GALNT14: variants seen among roughly 807,000 people sequenced by gnomAD.
The protein encoded by GALNT14 is UDP-GalNAc:polypeptide N-acetylgalactosaminyltransferase 14.
In GALNT14, 60 loss-of-function variants were observed where a neutral mutation model predicts 77.5. The observed-to-expected ratio is 0.77, with a 90% CI of 0.63 to 0.96. The LOEUF is 0.96. GALNT14 is among the 40% of genes least tolerant of loss of function. The probability of loss-of-function intolerance (pLI) is 0.00; values close to 1 mark genes in which losing one functional copy is unlikely to be tolerated. For synonymous variants in GALNT14, 280 were observed against 281.7 expected, an observed-to-expected ratio of 0.99 and a Z score of 0.06; for missense variants, 710 against 731.0, an observed-to-expected ratio of 0.97 and a Z score of 0.33.
chr2:30,979,744 C>T (rs1314368934), intron 2 of GALNT14, among the ~76,000 whole-genome samples: 1 of 152,146 alleles, frequency 6.6e-6, no homozygotes, highest in Non-Finnish European at 1.5e-5. Flanking sequence ...TCCCATTGTG[C>T]CTGCTTACTT....
At chr2:30,890,916 G>T in the GALNT14 span, among the ~76,000 whole-genome samples, 1 of 152,184 alleles carries the variant, frequency 6.6e-6, no homozygotes, top group African/African-American at 2.4e-5. Flanking sequence ...CAGGACATGA[G>T]GCCTGGCAAG....
At chr2:31,109,006 G>C (rs1311328938) in intron 1 of GALNT14, among the ~76,000 whole-genome samples, 2 of 152,194 alleles carry the variant, frequency 1.3e-5, no homozygotes, top group African/African-American at 2.4e-5. Flanking sequence ...AAGTAGACCT[G>C]ATCAACTCAA....
At chr2:30,925,000 G>T (rs193006914) in intron 11 of GALNT14, among the ~76,000 whole-genome samples, 177 bp from the exon 12 acceptor site, 12 of 152,382 alleles carry the variant, frequency 7.9e-5, no homozygotes, top group African/African-American at 2.4e-4. Context: ...TATAACTGCA[G>T]ACAGAGCTAT....
At chr2:31,029,806 T>C (rs1422441776) in intron 1 of GALNT14, among the ~76,000 whole-genome samples, 1 of 152,218 alleles carries the variant, frequency 6.6e-6, no homozygotes, top group Non-Finnish European at 1.5e-5. Flanking sequence ...GCAACTTCTA[T>C]CTTGATTGAC....
At chr2:31,073,546 A>G (rs1375726922) in intron 1 of GALNT14, among the ~76,000 whole-genome samples, 1 of 152,150 alleles carries the variant, frequency 6.6e-6, no homozygotes, top group East Asian at 1.9e-4. Flanking sequence ...TAGGGTAATC[A>G]TGCAGCTTCC....
intron 1 of GALNT14, among the ~76,000 whole-genome samples, chr2:31,055,475 A>G (rs1179457519): frequency 6.6e-6 from 1 of 152,206 alleles, no homozygotes; most frequent in Non-Finnish European, 1.5e-5. Flanking sequence ...AGAACAGTCC[A>G]GGTCAACTGG....
intron 6 of GALNT14, among the ~76,000 whole-genome samples, 196 bp downstream of exon 6, chr2:30,955,422 G>T (rs567375428): frequency 6.6e-6 from 1 of 152,250 alleles, no homozygotes; most frequent in Admixed American, 6.5e-5. Context: ...CCCGGTCCTT[G>T]CTCCACCACT....
chr2:31,022,502 T>G (rs1256780057), intron 1 of GALNT14, among the ~76,000 whole-genome samples: 3 of 152,128 alleles, frequency 2.0e-5, no homozygotes, highest in Non-Finnish European at 4.4e-5. Flanking sequence ...TTTCCCCAAG[T>G]CAGAATCCCA....
chr2:30,975,119 C>T (rs139775130), intron 2 of GALNT14, among the ~76,000 whole-genome samples: 5 of 152,194 alleles, frequency 3.3e-5, no homozygotes, highest in Non-Finnish European at 7.4e-5. Flanking sequence ...AGGGGGCTGG[C>T]GATAAGAAGC....
At chr2:31,088,459 C>G (rs79001757) in intron 1 of GALNT14, among the ~76,000 whole-genome samples, 1 of 152,036 alleles carries the variant, frequency 6.6e-6, no homozygotes, top group Non-Finnish European at 1.5e-5. Context: ...CTTGGCGTCT[C>G]GTGGTCCTTC....
intron 1 of GALNT14, among the ~76,000 whole-genome samples, chr2:31,099,014 G>C (rs1295777436): frequency 6.6e-6 from 1 of 152,012 alleles, no homozygotes; most frequent in Non-Finnish European, 1.5e-5. Flanking sequence ...AAGAAAATCT[G>C]TATATAAGTG....
At chr2:31,099,043 C>A (rs1677136464) in intron 1 of GALNT14, among the ~76,000 whole-genome samples, 1 of 151,920 alleles carries the variant, frequency 6.6e-6, no homozygotes, top group Admixed American at 6.6e-5. Context: ...TAGTTCAAAC[C>A]CATGTTGTTC....
At chr2:31,129,563 G>A in intron 1 of GALNT14, 1 of 985,336 alleles carries the variant, frequency 1.0e-6, no homozygotes, top group Non-Finnish European at 1.2e-6. Flanking sequence ...CACGTGGCCT[G>A]ATCTCCCTGA....
chr2:30,901,344 T>TA, the GALNT14 span, among the ~76,000 whole-genome samples: 97 of 152,126 alleles, frequency 6.4e-4, no homozygotes, highest in African/African-American at 2.1e-3. Context: ...CAGTTTTACC[T>TA]AAAAAATCCC....
chr2:31,116,920 C>G (rs978030447), intron 1 of GALNT14, among the ~76,000 whole-genome samples: 2 of 151,972 alleles, frequency 1.3e-5, no homozygotes, highest in African/African-American at 4.8e-5. Flanking sequence ...GCCTGTAATC[C>G]CAGCTACCTG....
downstream of GALNT14, among the ~76,000 whole-genome samples, chr2:30,909,160 A>C (rs1172911776): frequency 6.6e-6 from 1 of 151,724 alleles, no homozygotes; most frequent in African/African-American, 2.4e-5. Flanking sequence ...CAAGGACTTC[A>C]TGTCTAAAAC....
chr2:31,072,842 G>A (rs1675503476), intron 1 of GALNT14, among the ~76,000 whole-genome samples: 1 of 152,162 alleles, frequency 6.6e-6, no homozygotes, highest in African/African-American at 2.4e-5. Flanking sequence ...CTTGCTCTGG[G>A]CTTGCTGATT....
chr2:31,102,129 G>T (rs528052196), intron 1 of GALNT14, among the ~76,000 whole-genome samples: 1 of 152,100 alleles, frequency 6.6e-6, no homozygotes, highest in East Asian at 1.9e-4. Flanking sequence ...CCCCAAACCA[G>T]CTTTGAAATT....
At chr2:30,966,335 CT>C (rs1558449817) in intron 2 of GALNT14, 33 bp from the exon 3 acceptor site, 2 of 1,501,318 alleles carry the variant, frequency 1.3e-6, no homozygotes, top group East Asian at 2.3e-5. Flanking sequence ...CAAGTGAGAC[CT>C]TCAGGGACAA....
Sources: gnomAD v4.1 joint callset for allele counts (sites outside exome capture counted in the v4.1 genomes callset) on GRCh38, gnomAD v4.1.1 for gene constraint, MANE v1.5 for transcripts, NCBI Gene and HGNC (gene_info 2026-07-23, HGNC 2026-07-21) for gene names.